The following DYNC2I1 variants were observed in gnomAD, a reference collection of about 807,000 sequenced individuals.
DYNC2I1 encodes cytoplasmic dynein 2 intermediate chain 1.
DYNC2I1 carries 89 observed loss-of-function variants against 133.4 expected under a neutral mutation model. The ratio of observed to expected loss-of-function variants is 0.67; its 90% CI spans 0.56 to 0.80. The LOEUF is 0.80. Among genes scored for constraint, DYNC2I1 ranks in the 30% least tolerant of loss-of-function variants. The pLI, the probability that DYNC2I1 is intolerant of heterozygous loss-of-function variation, is 0.00. For missense variants in DYNC2I1, 1,291 were observed against 1,314.5 expected, an observed-to-expected ratio of 0.98 and a Z score of 0.28; for synonymous variants, 504 against 484.3, an observed-to-expected ratio of 1.04 and a Z score of -0.54.
chr7:158,953,796 T>G (rs1009717755), intron 4 of DYNC2I1, among the ~76,000 whole-genome samples: 1 of 152,036 alleles, frequency 6.6e-6, no homozygotes. Flanking sequence ...ATATATATGT[T>G]ATATATATGC....
At position 158,879,718 on chromosome 7, in the gene DYNC2I1, A is replaced by G. The variant is rs1447044963; in HGVS notation, c.608A>G (p.Lys203Arg). 1 of 1,595,684 alleles carries G rather than the reference A, an allele frequency of 6.3e-7. No individual in the cohort carries two copies. Among genetic ancestry groups the G allele is most frequent in the African/African-American group, 1.4e-5 (1 of 72,906 alleles). Residue 203 changes from lysine to arginine, a missense_variant, in exon 5 of 25, where the codon AAG (lysine) becomes AGG (arginine). By Grantham distance (26) the Lys-to-Arg change is conservative. Transcript: ENST00000407559. Reference protein sequence around the residue: ...QYGDSKDNPLKYWLYKEEGER... With the variant: ...QYGDSKDNPLRYWLYKEEGER... The stretch of plus-strand genomic sequence containing the variant: ...GGAGACAGCAAGGACAACCCTCTCA[A>G]GTACTGGCTTTATAAAGAAGAAGGC...
chr7:158,941,858 C>T (rs981996903), intron 23 of DYNC2I1, 67 bp from the exon 24 acceptor site: 4 of 1,525,064 alleles, frequency 2.6e-6, no homozygotes, highest in African/African-American at 2.8e-5. Flanking sequence ...GGCTGGGTGA[C>T]AGAGTGAGAC....
intron 15 of DYNC2I1, 113 bp from the exon 16 acceptor site, chr7:158,922,264 C>T (rs1849174356): frequency 1.9e-6 from 2 of 1,037,318 alleles, no homozygotes; most frequent in Non-Finnish European, 2.8e-6. Flanking sequence ...TCGAAAGGAC[C>T]ACGTTTGTTT....
intron 14 of DYNC2I1, among the ~76,000 whole-genome samples, chr7:158,916,981 C>G (rs201601373): frequency 4.5e-5 from 2 of 44,780 alleles, no homozygotes; most frequent in Admixed American, 2.3e-4. Flanking sequence ...CGTCTACACG[C>G]TGGTTGACAT....
In DYNC2I1 at chr7:158,913,109, T is replaced by C. The variant is rs767308617; in HGVS notation, c.1702+13T>C. On this transcript the variant is annotated intron_variant, in intron 13 of 24. Transcript: ENST00000407559. The stretch of plus-strand genomic sequence containing the variant: ...GTTGTATCTGGAGGTAACATCTTGC[T>C]CTTGAGTGTTGACCATTGACTCTCT... 3.5e-5 allele frequency: 56 copies of C among 1,577,972 alleles called. No homozygotes were observed. In the East Asian group the frequency reaches 6.3e-4, roughly 18 times the overall value.
chr7:158,938,072 A>G (rs952550919), intron 23 of DYNC2I1, among the ~76,000 whole-genome samples: 7 of 152,234 alleles, frequency 4.6e-5, no homozygotes, highest in African/African-American at 7.2e-5. Context: ...ATAACAGAAA[A>G]CTTTCCAAAA....
chr7:158,917,086 G>A (rs868017542), intron 14 of DYNC2I1, among the ~76,000 whole-genome samples: 6 of 84,430 alleles, frequency 7.1e-5, no homozygotes, highest in Admixed American at 1.1e-4. Context: ...ATTGTGAAAC[G>A]TCTACACGCT....
At chr7:158,929,817 C>T (rs1004280466) in intron 20 of DYNC2I1, among the ~76,000 whole-genome samples, 1 of 152,172 alleles carries the variant, frequency 6.6e-6, no homozygotes, top group Non-Finnish European at 1.5e-5. Context: ...ACACAGGAGG[C>T]AAAACCAGTG....
rs1472138603 is a variant in DYNC2I1, at chr7:158,869,905, C to T, written c.66C>T (p.Leu22=). 1 of 1,613,344 alleles carries T rather than the reference C, an allele frequency of 6.2e-7. No individual in the cohort carries two copies. The highest frequency in any genetic ancestry group is 1.7e-5 in the Admixed American group (1 of 59,954). The change falls in exon 2 of 25, where the codon CTC becomes CTT. Residue 22 remains leucine (L), a synonymous_variant. Transcript: ENST00000407559. The part of the protein sequence containing the change: ...TWKADDLRKH[L]WAIQSGGSKE... ...AAGCAGATGACCTCAGAAAACATCT[C>T]TGGGTAATTATTGTAAAGATTTGGA...
chr7:158,879,956 G>C lies in DYNC2I1; in HGVS notation c.846G>C (p.Ser282=), dbSNP rs1294563167. 1 of 1,602,326 alleles carries C rather than the reference G, an allele frequency of 6.2e-7. No homozygotes were observed. The highest frequency in any genetic ancestry group is 1.1e-5 in the South Asian group (1 of 89,474). ...GCAACGTGGATAGAAAAGAGAAATC[G>C]GCAAAAGATGAGCCCAGGAAAAGGG... ...HQSNVDRKEK[S]AKDEPRKRES... The change falls in exon 5 of 25, where the codon TCG becomes TCC. Residue 282 remains serine, a synonymous_variant. Transcript: ENST00000407559.
the DYNC2I1 span, among the ~76,000 whole-genome samples, chr7:158,841,299 C>T: frequency 2.0e-5 from 3 of 150,120 alleles, no homozygotes; most frequent in Non-Finnish European, 3.0e-5. Flanking sequence ...CTCCACCTCC[C>T]GGGTTCAAGC....
At chr7:158,874,839 A>G (rs932743507) in intron 3 of DYNC2I1, among the ~76,000 whole-genome samples, 1 of 152,188 alleles carries the variant, frequency 6.6e-6, no homozygotes, top group African/African-American at 2.4e-5. Flanking sequence ...GGTAATACAA[A>G]CGCAGTGTAC....
At chr7:158,948,270 C>T (rs991858513), downstream of DYNC2I1, among the ~76,000 whole-genome samples, 2 of 152,242 alleles carry the variant, frequency 1.3e-5, no homozygotes, top group East Asian at 1.9e-4. Context: ...ACAGCAAGGC[C>T]GCTTCCACAC....
At position 158,859,737 on chromosome 7, in the gene DYNC2I1, G is replaced by A. The variant is rs143828298; in HGVS notation, c.15+2987G>A. On this transcript the variant is annotated intron_variant, in intron 1 of 24. Transcript: ENST00000407559. ...AGGCTGGTCTTGATCCGCCCACCTC[G>A]GCCTCCCAAAGTGCTGGGATTATAG... 1.7e-3 allele frequency among the ~76,000 whole-genome samples: 259 copies of A among 152,130 alleles called. 3 individuals are homozygous for A. The highest frequency in any genetic ancestry group is 1.5e-3 in the East Asian group (8 of 5,164).
intron 24 of DYNC2I1, among the ~76,000 whole-genome samples, chr7:158,944,312 A>G (rs993792746): frequency 6.6e-6 from 1 of 151,830 alleles, no homozygotes; most frequent in South Asian, 2.1e-4. Flanking sequence ...AACAAATATG[A>G]AGGATGTGTA....
intron 7 of DYNC2I1, among the ~76,000 whole-genome samples, chr7:158,889,929 C>T (rs1845027232): frequency 6.7e-6 from 1 of 150,188 alleles, no homozygotes; most frequent in Non-Finnish European, 1.5e-5. Context: ...TCGCTTGAAC[C>T]CGGGAGGTGG....
At chr7:158,929,798 T>C (rs562117054) in intron 20 of DYNC2I1, among the ~76,000 whole-genome samples, 1 of 152,320 alleles carries the variant, frequency 6.6e-6, no homozygotes, top group South Asian at 2.1e-4. Flanking sequence ...AAAGTGATAT[T>C]GGGAGCAGAC....
In DYNC2I1 at chr7:158,891,301, C is replaced by T. The variant is rs769768860; in HGVS notation, c.1027C>T (p.Leu343=). The T allele has an allele frequency of 4.3e-6, 7 of 1,613,936 alleles. No homozygotes were observed. Among genetic ancestry groups the T allele is most frequent in the Non-Finnish European group, 5.9e-6 (7 of 1,179,904 alleles). ...HEEGSSVWWK[L]DQRPGGEETV... Reference sequence around the variant, plus strand: ...GGAAGGCTCTTCTGTGTGGTGGAAGCTGGACCAGAGGCCGGGAGGCGAGGA... The same window carrying T: ...GGAAGGCTCTTCTGTGTGGTGGAAGTTGGACCAGAGGCCGGGAGGCGAGGA... The change falls in exon 8 of 25, where the codon CTG becomes TTG. Residue 343 remains leucine, a synonymous_variant. Transcript: ENST00000407559.
intron 1 of DYNC2I1, among the ~76,000 whole-genome samples, chr7:158,857,763 C>T (rs2129475498): frequency 6.8e-6 from 1 of 146,050 alleles, no homozygotes; most frequent in East Asian, 2.0e-4. Flanking sequence ...GTCTTGATCT[C>T]CTGACTTCGT....
Sources: allele counts gnomAD v4.1 joint callset (sites outside exome capture counted in the v4.1 genomes callset), GRCh38; gene constraint gnomAD v4.1.1; transcripts MANE v1.5; gene names NCBI Gene and HGNC (gene_info 2026-07-23, HGNC 2026-07-21).